NSMCE2: variants seen among roughly 807,000 people sequenced by gnomAD.
The protein encoded by NSMCE2 is NSE2 SUMO ligase component of SMC5/6 complex.
In NSMCE2, 24 loss-of-function variants were observed where a neutral mutation model predicts 23.8. The observed-to-expected ratio is 1.01, with a 90% CI of 0.73 to 1.42. The LOEUF (loss-of-function observed/expected upper bound fraction) is 1.42. NSMCE2 is among the 40% of genes most tolerant of loss of function. The probability of loss-of-function intolerance (pLI) is 0.00; values close to 1 mark genes in which losing one functional copy is unlikely to be tolerated. For synonymous variants in NSMCE2, 92 were observed against 94.1 expected (o/e 0.98, Z 0.13); for missense variants, 284 against 296.5 (o/e 0.96, Z 0.31).
intron 5 of NSMCE2, among the ~76,000 whole-genome samples, chr8:125,267,089 G>A (rs1306083769): frequency 7.4e-6 from 1 of 134,630 alleles, no homozygotes; most frequent in Non-Finnish European, 1.5e-5. Context: ...ACTGCAACCT[G>A]TACCTCCTGG....
chr8:125,095,954 T>C (rs1201983052), intron 1 of NSMCE2, among the ~76,000 whole-genome samples: 1 of 151,992 alleles, frequency 6.6e-6, no homozygotes, highest in Non-Finnish European at 1.5e-5. Flanking sequence ...CAGGTTTGTG[T>C]TTTTTGATTA....
At position 125,365,425 on chromosome 8, in the gene NSMCE2, A is replaced by G. The variant is rs536271966; in HGVS notation, c.627-1343A>G. On this transcript the variant is annotated intron_variant, in intron 7 of 7. Coordinates refer to ENST00000287437, the MANE Select transcript of NSMCE2 (RefSeq NM_173685.4). ...TCTCCTGCACCCTGCAGGATCCCCC[A>G]TGCTATTTTCCCTGCCCTTCTCTTA... Among the ~76,000 whole-genome samples, 6 of 151,994 alleles carry G rather than the reference A, an allele frequency of 3.9e-5. No homozygotes were observed. The East Asian group carries it at 1.2e-3, about 29-fold the overall frequency.
intron 5 of NSMCE2, among the ~76,000 whole-genome samples, chr8:125,192,808 T>A (rs1326048360): frequency 6.6e-6 from 1 of 152,192 alleles, no homozygotes; most frequent in Non-Finnish European, 1.5e-5. Flanking sequence ...TGTCCTCACA[T>A]AGGGGAAAGG....
intron 5 of NSMCE2, among the ~76,000 whole-genome samples, chr8:125,239,366 G>A (rs1015721985): frequency 1.3e-5 from 2 of 152,052 alleles, no homozygotes; most frequent in East Asian, 3.9e-4. Context: ...CCCAACACTT[G>A]GGGAGGCCAG....
chr8:125,107,203 T>TG (rs1818506870), intron 3 of NSMCE2, among the ~76,000 whole-genome samples: 1 of 149,212 alleles, frequency 6.7e-6, no homozygotes, highest in Admixed American at 6.6e-5. Context: ...TTTTTTTTTT[T>TG]TTTGAGATGG....
At position 125,274,261 on chromosome 8, in the gene NSMCE2, A is replaced by C. The variant is rs974534582; in HGVS notation, c.419-82958A>C. ...AATACAGAAAATGAAACAAAAAAAA[A>C]CTTTTTAACTTATTTACTAAACATG... On this transcript the variant is annotated intron_variant, in intron 5 of 7. Transcript: ENST00000287437. Among the ~76,000 whole-genome samples, 5 of 152,168 alleles carry C rather than the reference A, an allele frequency of 3.3e-5. No individual in the cohort carries two copies. In the East Asian group the frequency reaches 5.8e-4, roughly 18 times the overall value.
chr8:125,199,712 T>C (rs1823782416), intron 5 of NSMCE2, among the ~76,000 whole-genome samples: 1 of 152,174 alleles, frequency 6.6e-6, no homozygotes, highest in Non-Finnish European at 1.5e-5. Flanking sequence ...CAGAGCTGAG[T>C]TCAAGTCCTG....
At chr8:125,164,429 T>C (rs1821771913) in intron 4 of NSMCE2, among the ~76,000 whole-genome samples, 1 of 152,188 alleles carries the variant, frequency 6.6e-6, no homozygotes, top group Admixed American at 6.5e-5. Context: ...AGTAAGAATG[T>C]TTTTAGGGAG....
intron 7 of NSMCE2, among the ~76,000 whole-genome samples, chr8:125,364,020 C>T (rs182267823): frequency 0.013 from 1,982 of 152,084 alleles, 14 homozygotes; most frequent in Middle Eastern, 0.02. Flanking sequence ...CTTGGCTCAC[C>T]GCAACCCCCA....
chr8:125,363,500 A>G (rs1483458003), intron 7 of NSMCE2, among the ~76,000 whole-genome samples: 1 of 149,976 alleles, frequency 6.7e-6, no homozygotes. Context: ...GACCCTGTCA[A>G]AAAAAGAAAG....
At chr8:125,285,995 C>T (rs898933538) in intron 5 of NSMCE2, among the ~76,000 whole-genome samples, 1 of 151,960 alleles carries the variant, frequency 6.6e-6, no homozygotes, top group Non-Finnish European at 1.5e-5. Flanking sequence ...CCCATTTTTA[C>T]AGCCTCCATT....
At chr8:125,179,597 C>G (rs888634308) in intron 4 of NSMCE2, among the ~76,000 whole-genome samples, 3 of 152,200 alleles carry the variant, frequency 2.0e-5, no homozygotes, top group African/African-American at 7.2e-5. Context: ...GATGGCCATG[C>G]AGACTCAAAC....
chr8:125,245,388 T>C (rs1020096510), intron 5 of NSMCE2, among the ~76,000 whole-genome samples: 1 of 152,160 alleles, frequency 6.6e-6, no homozygotes, highest in Non-Finnish European at 1.5e-5. Context: ...GAAATAATAA[T>C]TTGAAATTTA....
intron 4 of NSMCE2, among the ~76,000 whole-genome samples, chr8:125,161,042 A>G (rs939155544): frequency 4.6e-5 from 7 of 152,220 alleles, no homozygotes; most frequent in Non-Finnish European, 8.8e-5. Context: ...AATGGAGAGT[A>G]TGTGAATGGA....
intron 7 of NSMCE2, among the ~76,000 whole-genome samples, chr8:125,365,967 G>T (rs894645011): frequency 2.6e-5 from 4 of 152,212 alleles, no homozygotes; most frequent in Non-Finnish European, 5.9e-5. Context: ...CATAGAGCTT[G>T]CTGTCACTCC....
intron 5 of NSMCE2, among the ~76,000 whole-genome samples, chr8:125,271,444 G>A (rs182896844): frequency 6.6e-6 from 1 of 152,294 alleles, no homozygotes; most frequent in African/African-American, 2.4e-5. Context: ...ATAAGAGACA[G>A]AGTAGAGTCA....
chr8:125,343,155 A>T (rs1586797810), intron 5 of NSMCE2, among the ~76,000 whole-genome samples: 1 of 152,304 alleles, frequency 6.6e-6, no homozygotes, highest in East Asian at 1.9e-4. Flanking sequence ...CTATGGGGCG[A>T]CATATTTGAT....
intron 3 of NSMCE2, among the ~76,000 whole-genome samples, chr8:125,146,956 A>C (rs1820716313): frequency 6.6e-6 from 1 of 152,204 alleles, no homozygotes; most frequent in African/African-American, 2.4e-5. Context: ...GATTTGATGT[A>C]AGTTTGATGT....
chr8:125,277,704 C>T (rs888902244), intron 5 of NSMCE2, among the ~76,000 whole-genome samples: 6 of 152,068 alleles, frequency 3.9e-5, no homozygotes, highest in Admixed American at 6.6e-5. Context: ...TTAGTAGCGA[C>T]GGGGTTTCAC....
Sources: allele counts gnomAD v4.1 joint callset (sites outside exome capture counted in the v4.1 genomes callset), GRCh38; gene constraint gnomAD v4.1.1; transcripts MANE v1.5; gene names NCBI Gene and HGNC (gene_info 2026-07-23, HGNC 2026-07-21).